The following CDC34 variants were observed in gnomAD, a reference collection of about 807,000 sequenced individuals.
The protein encoded by CDC34 is ubiquitin-conjugating enzyme E2 R1.
In CDC34, 18 loss-of-function variants were observed where a neutral mutation model predicts 26.8. The observed-to-expected ratio is 0.67, with a 90% CI of 0.47 to 1.00. The LOEUF is 1.00. Ranked by LOEUF, CDC34 falls within the 50% of genes least tolerant of loss-of-function variation. CDC34 has a pLI of 0.00. For missense variants in CDC34, 280 were observed against 334.5 expected (o/e 0.84, Z 1.27); for synonymous variants, 178 against 147.5 (o/e 1.21, Z -1.50).
At chr19:536,163 GTCCTCA>G in intron 2 of CDC34, 74 bp from the exon 3 acceptor site, 2 of 1,198,034 alleles carry the variant, frequency 1.7e-6, no homozygotes, top group East Asian at 5.1e-5. Flanking sequence ...CGTCCTCCAC[GTCCTCA>G]TCCTCCGGGA....
chr19:537,685 A>G (rs535747164), intron 4 of CDC34, among the ~76,000 whole-genome samples: 1 of 78,720 alleles, frequency 1.3e-5, no homozygotes, highest in Non-Finnish European at 2.4e-5. Context: ...AGACAGAGTT[A>G]TACTCTCTTG....
rs574694402 is a variant in CDC34 at position 541,756 on chromosome 19, C to A, written c.*204C>A. 5 of 490,058 alleles carry A rather than the reference C, an allele frequency of 1.0e-5. No homozygotes were observed. The highest frequency in any genetic ancestry group is 1.7e-5 in the Non-Finnish European group (5 of 294,366). 30.4% of individuals were successfully genotyped at this position (490,058 alleles called of 1,614,324 possible). On this transcript the variant is annotated 3_prime_UTR_variant, in exon 5 of 5. Coordinates refer to ENST00000215574, the MANE Select transcript of CDC34 (RefSeq NM_004359.2). The stretch of plus-strand genomic sequence containing the variant: ...CTGCCCCACCGCCACTCACGTCACT[C>A]GGGGCTCGGTGGACGGGCCCAGGGT...
chr19:533,199 G>T (rs1230918249), intron 1 of CDC34, among the ~76,000 whole-genome samples: 1 of 152,120 alleles, frequency 6.6e-6, no homozygotes, highest in Non-Finnish European at 1.5e-5. Flanking sequence ...TGTGTGAGCG[G>T]TGGGGAACGA....
At position 532,119 on chromosome 19, in the gene CDC34, C is replaced by T; in HGVS notation, c.177+11C>T. On this transcript the variant is annotated intron_variant, in intron 1 of 4. Coordinates refer to ENST00000215574, the MANE Select transcript of CDC34 (RefSeq NM_004359.2). Reference sequence around the variant, plus strand: ...GGCGGCTACTTCAAGGTGAGCGCGGCGACCCCCGCCCGGGTCCCGGAGCCC... The same window carrying T: ...GGCGGCTACTTCAAGGTGAGCGCGGTGACCCCCGCCCGGGTCCCGGAGCCC... 2.0e-6 allele frequency: 3 copies of T among 1,487,566 alleles called. No homozygotes were observed. The highest frequency in any genetic ancestry group is 5.7e-5 in the East Asian group (2 of 34,880). 92.1% of individuals were successfully genotyped at this position (1,487,566 alleles called of 1,614,324 possible). A position where few individuals can be genotyped will look rare whatever the true frequency, so the allele number is the denominator to read the frequency against.
Position 536,527 on chromosome 19 carries a change from C to T in CDC34, c.362+187C>T, listed in dbSNP as rs17841752. On this transcript the variant is annotated intron_variant, in intron 3 of 4. Transcript: ENST00000215574. ...TGCACGGTAGGTGCTTTCACGGGGC[C>T]TGCGGCACCGTGTGTCGGTGCAGAC... The T allele has an allele frequency of 5.3e-3, 3,199 of 598,146 alleles. 80 individuals are homozygous for T. Among genetic ancestry groups the T allele is most frequent in the African/African-American group, 0.053 (2,831 of 53,900 alleles). 37.1% of individuals were successfully genotyped at this position (598,146 alleles called of 1,614,324 possible).
chr19:541,150 C>T lies in CDC34; in HGVS notation c.498-189C>T, dbSNP rs1472582962. On this transcript the variant is annotated intron_variant, in intron 4 of 4. Coordinates refer to ENST00000215574, the MANE Select transcript of CDC34 (RefSeq NM_004359.2). ...TCCCACCCGCACCTCCTGCCCTTCCCGAGCCCCCTCCTCTGTCATTTCTCC... is the reference window on the plus strand; with the variant it reads ...TCCCACCCGCACCTCCTGCCCTTCCTGAGCCCCCTCCTCTGTCATTTCTCC... 2.1e-5 allele frequency: 15 copies of T among 729,012 alleles called. No homozygotes were observed. The Admixed American group carries it at 2.6e-4, about 13-fold the overall frequency. 45.2% of individuals were successfully genotyped at this position (729,012 alleles called of 1,614,324 possible).
At chr19:533,884 A>G (rs1002392046) in intron 1 of CDC34, among the ~76,000 whole-genome samples, 22 of 152,164 alleles carry the variant, frequency 1.4e-4, no homozygotes, top group African/African-American at 4.3e-4. Flanking sequence ...GGAAATACAG[A>G]ACCTGCTGAG....
At chr19:537,692 C>T (rs1487204702) in intron 4 of CDC34, among the ~76,000 whole-genome samples, 3 of 105,304 alleles carry the variant, frequency 2.8e-5, no homozygotes, top group African/African-American at 3.5e-5. Context: ...GTTATACTCT[C>T]TTGCCTAGGC....
Position 540,769 on chromosome 19 carries a change from G to C in CDC34, c.498-570G>C, listed in dbSNP as rs1485865589. On this transcript the variant is annotated intron_variant, in intron 4 of 4. Transcript: ENST00000215574. ...GAGGCTGGGATGGCCAGGCCCCCGG[G>C]TTTAGAATCCAGAGGCTGGGATGGC... Among the ~76,000 whole-genome samples, 18 of 87,498 alleles carry C rather than the reference G, an allele frequency of 2.1e-4. 1 individual carries two copies. The highest frequency in any genetic ancestry group is 6.6e-4 in the African/African-American group (17 of 25,858). The allele number at this position is 87,498 out of a possible 152,430, so 57.4% of individuals were successfully genotyped here.
intron 4 of CDC34, among the ~76,000 whole-genome samples, chr19:541,031 C>T (rs1442867002): frequency 3.3e-5 from 5 of 152,338 alleles, no homozygotes; most frequent in African/African-American, 4.8e-5. Context: ...TCCCTGTTGC[C>T]GGCATCGTTA....
At chr19:541,196 AG>A in intron 4 of CDC34, 142 bp from the exon 5 acceptor site, 1 of 1,086,574 alleles carries the variant, frequency 9.2e-7, no homozygotes, top group Non-Finnish European at 1.3e-6. Flanking sequence ...CCTCACGCAC[AG>A]GGCTTTGTCC....
intron 4 of CDC34, among the ~76,000 whole-genome samples, 187 bp downstream of exon 4, chr19:537,334 C>T (rs574765920): frequency 6.6e-6 from 1 of 152,272 alleles, no homozygotes; most frequent in African/African-American, 2.4e-5. Flanking sequence ...CAGGTTCAAG[C>T]CCAGCTTCTT....
intron 1 of CDC34, among the ~76,000 whole-genome samples, chr19:533,702 A>G (rs1311984818): frequency 6.6e-6 from 1 of 152,200 alleles, no homozygotes; most frequent in Non-Finnish European, 1.5e-5. Context: ...TTGTGGGCAG[A>G]GCTTCCTGGG....
intron 3 of CDC34, 168 bp downstream of exon 3, chr19:536,508 G>A: frequency 1.6e-6 from 1 of 609,504 alleles, no homozygotes; most frequent in Admixed American, 2.9e-5. Flanking sequence ...TACCTGCACG[G>A]TAGGTGCTTT....
chr19:538,002 C>T (rs1979838820), intron 4 of CDC34, among the ~76,000 whole-genome samples: 2 of 152,178 alleles, frequency 1.3e-5, no homozygotes, highest in Non-Finnish European at 2.9e-5. Flanking sequence ...TTCAGTTTAA[C>T]GCATGTCTGT....
chr19:536,663 C>T (rs1286181029), intron 3 of CDC34: 7 of 536,854 alleles, frequency 1.3e-5, no homozygotes, highest in East Asian at 9.4e-5. Context: ...TTGGTCACCT[C>T]GTGCCACGTG....
intron 4 of CDC34, chr19:538,624 A>G (rs552686527): frequency 1.2e-6 from 1 of 835,924 alleles, no homozygotes; most frequent in African/African-American, 1.8e-5. Context: ...ACAGAATCTT[A>G]AAAACAACTT....
At position 537,040 on chromosome 19, in the gene CDC34, C is replaced by T. The variant is rs146636351; in HGVS notation, c.390C>T (p.Leu130=). The T allele has an allele frequency of 6.2e-7, 1 of 1,613,772 alleles. No homozygotes were observed. Among genetic ancestry groups the T allele is most frequent in the Non-Finnish European group, 8.5e-7 (1 of 1,180,010 alleles). The part of the protein sequence containing the change: ...VRTILLSVIS[L]LNEPNTFSPA... The stretch of plus-strand genomic sequence containing the variant: ...CCATTCTCCTGAGTGTGATCTCCCT[C>T]CTGAACGAGCCCAACACCTTCTCGC... Residue 130 remains leucine (L), a synonymous_variant, in exon 4 of 5, where the codon CTC becomes CTT. Coordinates refer to ENST00000215574, the MANE Select transcript of CDC34 (RefSeq NM_004359.2).
chr19:535,720 C>T (rs538330130), intron 1 of CDC34, 117 bp from the exon 2 acceptor site: 8 of 802,076 alleles, frequency 1.0e-5, no homozygotes, highest in Non-Finnish European at 1.7e-5. Context: ...GATACGGTGT[C>T]CCTCACACAC....
Sources: gnomAD v4.1 joint callset for allele counts (sites outside exome capture counted in the v4.1 genomes callset) on GRCh38, gnomAD v4.1.1 for gene constraint, MANE v1.5 for transcripts, NCBI Gene and HGNC (gene_info 2026-07-23, HGNC 2026-07-21) for gene names.